MEGF11: variants seen among roughly 807,000 people sequenced by gnomAD.
MEGF11 encodes multiple epidermal growth factor-like domains protein 11.
MEGF11 carries 126 observed loss-of-function variants against 146.6 expected under a neutral mutation model. The observed-to-expected ratio is 0.86, with a 90% CI of 0.74 to 1.00. MEGF11 has a LOEUF of 1.00. Ranked by LOEUF, MEGF11 falls within the 50% of genes least tolerant of loss-of-function variation. The pLI is 0.00. For synonymous variants in MEGF11, 532 were observed against 583.4 expected (o/e 0.91, Z 1.27); for missense variants, 1,509 against 1,521.2 (o/e 0.99, Z 0.13).
chr15:65,911,825 C>G (rs2078820084), intron 21 of MEGF11, among the ~76,000 whole-genome samples: 1 of 152,198 alleles, frequency 6.6e-6, no homozygotes, highest in Non-Finnish European at 1.5e-5. Context: ...TGGTTACACA[C>G]AGGGTACAGG....
At chr15:66,131,334 G>A (rs2088639175) in intron 1 of MEGF11, among the ~76,000 whole-genome samples, 1 of 152,278 alleles carries the variant, frequency 6.6e-6, no homozygotes, top group African/African-American at 2.4e-5. Context: ...GGGCCGTGCT[G>A]TGGAGGACAC....
chr15:65,989,695 CACTGA>C (rs1449707870), intron 5 of MEGF11, among the ~76,000 whole-genome samples: 2 of 152,234 alleles, frequency 1.3e-5, no homozygotes, highest in Admixed American at 1.3e-4. Flanking sequence ...TCTGAGGGAG[CACTGA>C]AGGATGGGTC....
intron 23 of MEGF11, among the ~76,000 whole-genome samples, chr15:65,908,832 C>T (rs568480790): frequency 1.3e-5 from 2 of 152,140 alleles, no homozygotes; most frequent in Non-Finnish European, 2.9e-5. Flanking sequence ...ACTATGGGAA[C>T]AGAATGGGTG....
At chr15:66,087,246 G>T (rs2086148187) in intron 5 of MEGF11, among the ~76,000 whole-genome samples, 1 of 152,184 alleles carries the variant, frequency 6.6e-6, no homozygotes, top group African/African-American at 2.4e-5. Context: ...ATACTCCACT[G>T]ACAGCACTAG....
chr15:66,156,944 T>C (rs1442272676), intron 1 of MEGF11, among the ~76,000 whole-genome samples: 2 of 152,010 alleles, frequency 1.3e-5, no homozygotes, highest in African/African-American at 4.8e-5. Flanking sequence ...GAACCCTGAG[T>C]CAGGTGCCTC....
At chr15:66,067,391 C>T (rs1161703029) in intron 5 of MEGF11, among the ~76,000 whole-genome samples, 1 of 152,200 alleles carries the variant, frequency 6.6e-6, no homozygotes, top group Admixed American at 6.5e-5. Context: ...TCAGGACAGC[C>T]CTGAAAAATC....
intron 11 of MEGF11, among the ~76,000 whole-genome samples, chr15:65,930,447 G>A (rs544800985): frequency 6.6e-6 from 1 of 152,176 alleles, no homozygotes; most frequent in Non-Finnish European, 1.5e-5. Context: ...AGGTGGTGGC[G>A]CAGCCCCTCT....
At chr15:65,945,545 T>A (rs1434654038) in intron 10 of MEGF11, among the ~76,000 whole-genome samples, 2 of 152,100 alleles carry the variant, frequency 1.3e-5, no homozygotes, top group African/African-American at 4.8e-5. Flanking sequence ...GCCACGCCAG[T>A]TTATTTATTG....
At chr15:66,186,482 G>A (rs1267677996) in intron 1 of MEGF11, among the ~76,000 whole-genome samples, 3 of 152,220 alleles carry the variant, frequency 2.0e-5, no homozygotes, top group Non-Finnish European at 4.4e-5. Context: ...GCTCACCCAA[G>A]ACAGTTTCCA....
chr15:66,038,528 C>T (rs759651220), intron 5 of MEGF11, among the ~76,000 whole-genome samples: 5 of 152,056 alleles, frequency 3.3e-5, no homozygotes, highest in Non-Finnish European at 5.9e-5. Context: ...AGTCTTTTTG[C>T]GGCACTTTAA....
At chr15:66,003,356 T>C (rs1190548515) in intron 5 of MEGF11, among the ~76,000 whole-genome samples, 1 of 152,186 alleles carries the variant, frequency 6.6e-6, no homozygotes, top group Non-Finnish European at 1.5e-5. Flanking sequence ...CATGTGCTTG[T>C]CTTTTCCCTG....
intron 1 of MEGF11, among the ~76,000 whole-genome samples, chr15:66,178,310 T>C (rs2090446748): frequency 6.6e-6 from 1 of 152,194 alleles, no homozygotes; most frequent in African/African-American, 2.4e-5. Flanking sequence ...TGAGGGCTTT[T>C]CTCTGGTCTG....
intron 5 of MEGF11, among the ~76,000 whole-genome samples, chr15:65,999,896 G>A (rs1464713963): frequency 6.6e-6 from 1 of 152,192 alleles, no homozygotes; most frequent in African/African-American, 2.4e-5. Flanking sequence ...ACTCCTTCAG[G>A]GGAGGCACTT....
At chr15:65,969,221 C>A (rs1193334509) in intron 8 of MEGF11, among the ~76,000 whole-genome samples, 1 of 152,190 alleles carries the variant, frequency 6.6e-6, no homozygotes, top group East Asian at 1.9e-4. Flanking sequence ...CGGCTAGAGC[C>A]CTGGGCCTGC....
intron 5 of MEGF11, among the ~76,000 whole-genome samples, chr15:66,000,158 T>C (rs2082320656): frequency 6.6e-6 from 1 of 152,166 alleles, no homozygotes; most frequent in Non-Finnish European, 1.5e-5. Context: ...CCCCACTAGC[T>C]CTGTGTGTCC....
At chr15:66,189,767 C>T (rs2090819422) in intron 1 of MEGF11, among the ~76,000 whole-genome samples, 2 of 152,112 alleles carry the variant, frequency 1.3e-5, no homozygotes, top group Non-Finnish European at 2.9e-5. Flanking sequence ...TATCTAAAGC[C>T]CCTGGCACTT....
chr15:65,951,321 A>T (rs900939408), intron 10 of MEGF11, among the ~76,000 whole-genome samples: 7 of 152,216 alleles, frequency 4.6e-5, no homozygotes, highest in Non-Finnish European at 1.0e-4. Flanking sequence ...CCCAAAGAAC[A>T]TATAGTAGTG....
intron 10 of MEGF11, among the ~76,000 whole-genome samples, chr15:65,951,616 G>A (rs986307430): frequency 6.6e-6 from 1 of 152,210 alleles, no homozygotes; most frequent in Non-Finnish European, 1.5e-5. Flanking sequence ...GAACCCGGGA[G>A]GTGGAGGTTG....
chr15:65,970,753 G>C (rs2081277164), intron 7 of MEGF11, 64 bp from the exon 8 acceptor site: 1 of 1,535,122 alleles, frequency 6.5e-7, no homozygotes, highest in African/African-American at 1.4e-5. Context: ...TCCTGGGAAT[G>C]GCACACCTGC....
Sources: gnomAD v4.1 joint callset for allele counts (sites outside exome capture counted in the v4.1 genomes callset) on GRCh38, gnomAD v4.1.1 for gene constraint, MANE v1.5 for transcripts, NCBI Gene and HGNC (gene_info 2026-07-23, HGNC 2026-07-21) for gene names.